Variants in FANCC observed in about 807,000 individuals in gnomAD.
FANCC encodes the protein Fanconi anemia group C protein.
Under a neutral mutation model 71.3 loss-of-function variants are expected in FANCC, and 55 were observed. That is an observed-to-expected ratio of 0.77 (90% CI 0.62 to 0.97). FANCC has a LOEUF of 0.97. FANCC is among the 50% of genes least tolerant of loss of function. The pLI is 0.00. For synonymous variants in FANCC, 275 were observed against 244.9 expected (o/e 1.12, Z -1.15); for missense variants, 678 against 670.9 (o/e 1.01, Z -0.12).
rs775632367 is a variant in FANCC, at chr9:95,122,905, C to T, written c.996+2181G>A. On this transcript the variant is annotated intron_variant, in intron 10 of 14. Transcript: ENST00000289081. ...GTGAGGGCCAGCTGTGCCTTCCAGC[C>T]GAGCCACCTCCAAAATTCTAGGTGG... Among the ~76,000 whole-genome samples, 19 of 152,128 alleles carry T rather than the reference C, an allele frequency of 1.2e-4. 1 individual carries two copies. Among genetic ancestry groups the T allele is most frequent in the African/African-American group, 4.3e-4 (18 of 41,424 alleles).
intron 6 of FANCC, among the ~76,000 whole-genome samples, chr9:95,164,945 A>T (rs761020626): frequency 9.9e-5 from 15 of 152,146 alleles, no homozygotes; most frequent in South Asian, 4.2e-4. Flanking sequence ...GTTCTGAATA[A>T]CCAATTCAAT....
At chr9:95,267,390 A>G (rs1166083777) in intron 1 of FANCC, among the ~76,000 whole-genome samples, 14 of 152,162 alleles carry the variant, frequency 9.2e-5, no homozygotes, top group Admixed American at 9.2e-4. Flanking sequence ...CCACTGTGAA[A>G]GCTAGTTCTG....
intron 4 of FANCC, among the ~76,000 whole-genome samples, chr9:95,175,732 A>C (rs1825974799): frequency 6.6e-6 from 1 of 152,268 alleles, no homozygotes; most frequent in African/African-American, 2.4e-5. Context: ...CCTGCACAGC[A>C]GGGAGAGCAC....
In FANCC at chr9:95,291,947, CAAAA is replaced by C. The variant is rs775436297; in HGVS notation, c.-79+25575_-79+25578del. ...TAGGTGAGAGAGTGAGACTCTGTCT[CAAAA>C]AAAAAAAAAAAAAAAAATATATATA... On this transcript the variant is annotated intron_variant, in intron 1 of 14. Transcript: ENST00000289081. Among the ~76,000 whole-genome samples, 64 of 40,818 alleles carry C rather than the reference CAAAA, an allele frequency of 1.6e-3. 1 individual carries two copies. The highest frequency in any genetic ancestry group is 8.3e-3 in the South Asian group (5 of 600). 26.8% of individuals were successfully genotyped at this position (40,818 alleles called of 152,430 possible). A position where few individuals can be genotyped will look rare whatever the true frequency, so the allele number is the denominator to read the frequency against.
At chr9:95,291,739 G>A (rs575266280) in intron 1 of FANCC, among the ~76,000 whole-genome samples, 2 of 151,898 alleles carry the variant, frequency 1.3e-5, no homozygotes, top group South Asian at 4.2e-4. Context: ...CCTGAGGTCA[G>A]GAGTGCGAGA....
intron 1 of FANCC, chr9:95,293,913 T>C: frequency 2.5e-6 from 4 of 1,595,434 alleles, no homozygotes; most frequent in East Asian, 2.2e-5. Context: ...ATTCATCATA[T>C]AATGTTGCTA....
rs556112214 is a variant in FANCC at position 95,164,366 on chromosome 9, C to T, written c.521+6713G>A. Among the ~76,000 whole-genome samples, 7 of 152,242 alleles carry T rather than the reference C, an allele frequency of 4.6e-5. No homozygotes were observed. The East Asian group carries it at 1.3e-3, about 29-fold the overall frequency. On this transcript the variant is annotated intron_variant, in intron 6 of 14. Transcript: ENST00000289081. Reference sequence around the variant, plus strand: ...TAAGAGAGGATGAAGATATTCTTGCCTTGTTCCTGATCTCAGCGGGAAAAC... The same window carrying T: ...TAAGAGAGGATGAAGATATTCTTGCTTTGTTCCTGATCTCAGCGGGAAAAC...
chr9:95,278,841 A>G (rs1833204200), intron 1 of FANCC, among the ~76,000 whole-genome samples: 1 of 134,778 alleles, frequency 7.4e-6, no homozygotes, highest in South Asian at 2.4e-4. Context: ...AAAAAAATTC[A>G]AAAAGAATAG....
At chr9:95,272,674 G>A (rs1477177681) in intron 1 of FANCC, among the ~76,000 whole-genome samples, 1 of 152,098 alleles carries the variant, frequency 6.6e-6, no homozygotes, top group Non-Finnish European at 1.5e-5. Context: ...TCCAACCTGG[G>A]TAACAGAGTA....
At chr9:95,127,170 T>A (rs1458623703) in intron 8 of FANCC, 1 of 153,740 alleles carries the variant, frequency 6.5e-6, no homozygotes, top group Non-Finnish European at 1.4e-5. Context: ...TCTCCTTGAA[T>A]ATTTCGGTGA....
At position 95,216,943 on chromosome 9, in the gene FANCC, G is replaced by A. The variant is rs1828900651; in HGVS notation, c.345+23706C>T. 2.0e-5 allele frequency among the ~76,000 whole-genome samples: 3 copies of A among 152,056 alleles called. 1 individual carries two copies. Among genetic ancestry groups the A allele is most frequent in the South Asian group, 4.1e-4 (2 of 4,822 alleles). ...AGGAAGGAAAAAAAAATCTCAGACCGGCCACAGTCTTCGATAATTATCAAC... is the reference window on the plus strand; with the variant it reads ...AGGAAGGAAAAAAAAATCTCAGACCAGCCACAGTCTTCGATAATTATCAAC... On this transcript the variant is annotated intron_variant, in intron 4 of 14. Coordinates refer to ENST00000289081, the MANE Select transcript of FANCC (RefSeq NM_000136.3).
chr9:95,152,697 T>C (rs558047157), intron 6 of FANCC, among the ~76,000 whole-genome samples: 3 of 152,298 alleles, frequency 2.0e-5, no homozygotes, highest in African/African-American at 7.2e-5. Context: ...CATGGATGAA[T>C]TGTATAGTGG....
chr9:95,242,515 G>C (rs1421959995), intron 3 of FANCC, among the ~76,000 whole-genome samples: 1 of 149,494 alleles, frequency 6.7e-6, no homozygotes, highest in Admixed American at 6.7e-5. Flanking sequence ...GGAAATGTCA[G>C]TTTATGAGTT....
chr9:95,201,305 T>G (rs1480786691), intron 4 of FANCC, among the ~76,000 whole-genome samples: 2 of 152,148 alleles, frequency 1.3e-5, no homozygotes, highest in African/African-American at 4.8e-5. Flanking sequence ...CCAGCTCAGT[T>G]AACCTCTGTG....
chr9:95,127,932 T>G (rs1351271911), intron 8 of FANCC, among the ~76,000 whole-genome samples: 1 of 152,240 alleles, frequency 6.6e-6, no homozygotes, highest in African/African-American at 2.4e-5. Context: ...AATTTGCAAG[T>G]TAAAATGTCC....
At chr9:95,296,506 T>C (rs1834386380) in intron 1 of FANCC, among the ~76,000 whole-genome samples, 1 of 152,082 alleles carries the variant, frequency 6.6e-6, no homozygotes, top group Admixed American at 6.6e-5. Flanking sequence ...TGTTAGGCTT[T>C]TTTTTTTAAT....
At chr9:95,299,703 A>G (rs1033885657) in intron 1 of FANCC, among the ~76,000 whole-genome samples, 1 of 152,152 alleles carries the variant, frequency 6.6e-6, no homozygotes, top group African/African-American at 2.4e-5. Flanking sequence ...TCTACAAAAC[A>G]TCAAAAAATT....
chr9:95,102,763 A>G (rs1021449530), intron 14 of FANCC, among the ~76,000 whole-genome samples: 1 of 152,170 alleles, frequency 6.6e-6, no homozygotes, highest in East Asian at 1.9e-4. Context: ...CCTCCTGACC[A>G]CCACTAAAGG....
chr9:95,313,113 G>T (rs144233357), intron 1 of FANCC, among the ~76,000 whole-genome samples: 170 of 152,338 alleles, frequency 1.1e-3, no homozygotes, highest in Non-Finnish European at 1.8e-3. Context: ...CGGCGCTGCA[G>T]AAGCACATAT....
Sources: allele counts gnomAD v4.1 joint callset (sites outside exome capture counted in the v4.1 genomes callset), GRCh38; gene constraint gnomAD v4.1.1; transcripts MANE v1.5; gene names NCBI Gene and HGNC (gene_info 2026-07-23, HGNC 2026-07-21).